Variants in GLRA2 observed in about 807,000 individuals in gnomAD.
The protein encoded by GLRA2 is glycine receptor subunit alpha-2.
In GLRA2, 11 loss-of-function variants were observed where a neutral mutation model predicts 31.6. The observed-to-expected ratio is 0.35, with a 90% CI of 0.22 to 0.58. GLRA2 has a LOEUF of 0.58. Ranked by LOEUF, GLRA2 falls within the 20% of genes least tolerant of loss-of-function variation. The pLI is 0.84. For synonymous variants in GLRA2, 132 were observed against 134.0 expected (o/e 0.99, Z 0.10); for missense variants, 212 against 351.8 (o/e 0.60, Z 3.18).
At chrX:14,721,761 A>T (rs1390441832) in intron 8 of GLRA2, among the ~76,000 whole-genome samples, 1 of 111,515 alleles carries the variant, frequency 9.0e-6, no homozygotes, top group Non-Finnish European at 1.9e-5. Flanking sequence ...CTACTTGGAC[A>T]CTTAATGGCC....
At chrX:14,607,028 T>C in intron 5 of GLRA2, 103 bp from the exon 6 acceptor site, 3 of 536,302 alleles carry the variant, frequency 5.6e-6, no homozygotes, top group Non-Finnish European at 9.5e-6. Flanking sequence ...ACTGAGCGTA[T>C]GTCTGCTTTA....
At chrX:14,500,554 G>A in the GLRA2 span, among the ~76,000 whole-genome samples, 4 of 112,344 alleles carry the variant, frequency 3.6e-5, no homozygotes, top group Admixed American at 2.8e-4. Flanking sequence ...CCTGTGGGTT[G>A]AGGTAGGGAC....
At chrX:14,451,111 A>T in the GLRA2 span, among the ~76,000 whole-genome samples, 35 of 111,830 alleles carry the variant, frequency 3.1e-4, no homozygotes, top group African/African-American at 1.1e-3. Flanking sequence ...TCACTAAGGG[A>T]ATTTGTTACC....
chrX:14,500,010 T>G, the GLRA2 span, among the ~76,000 whole-genome samples: 1 of 111,991 alleles, frequency 8.9e-6, no homozygotes, highest in Non-Finnish European at 1.9e-5. Flanking sequence ...TTCTTCCACT[T>G]TGTGTGTTGT....
chrX:14,479,483 G>A, the GLRA2 span, among the ~76,000 whole-genome samples: 15,478 of 110,635 alleles, frequency 0.14, 1,005 homozygotes, highest in Non-Finnish European at 0.2. Flanking sequence ...AGATAATCCC[G>A]TCATCCAGGT....
upstream of GLRA2, among the ~76,000 whole-genome samples, chrX:14,525,981 T>C (rs750892413): frequency 8.9e-6 from 1 of 112,220 alleles, no homozygotes; most frequent in Non-Finnish European, 1.9e-5. Flanking sequence ...TCTCTGTCCA[T>C]TGCAAAGCTT....
intron 4 of GLRA2, among the ~76,000 whole-genome samples, chrX:14,591,975 A>C (rs750829759): frequency 9.0e-6 from 1 of 111,684 alleles, no homozygotes; most frequent in East Asian, 2.9e-4. Context: ...ACTTCCTTTC[A>C]TCATTTACTG....
At chrX:14,675,952 C>T (rs968069454) in intron 7 of GLRA2, among the ~76,000 whole-genome samples, 1 of 111,977 alleles carries the variant, frequency 8.9e-6, no homozygotes, top group Non-Finnish European at 1.9e-5. Flanking sequence ...ACTAATTTCC[C>T]CCCAAAATGG....
At chrX:14,463,500 G>T in the GLRA2 span, among the ~76,000 whole-genome samples, 1 of 111,541 alleles carries the variant, frequency 9.0e-6, no homozygotes, top group Non-Finnish European at 1.9e-5. Flanking sequence ...GCTGTGGTGG[G>T]CTCCACCCAT....
intron 8 of GLRA2, among the ~76,000 whole-genome samples, chrX:14,695,600 G>A (rs898213470): frequency 2.7e-5 from 3 of 112,104 alleles, no homozygotes; most frequent in Admixed American, 1.9e-4. Context: ...TCATTCTCAT[G>A]AGCCAAGAAG....
chrX:14,730,561 C>T lies in GLRA2; in HGVS notation c.*76C>T, dbSNP rs2091980305. The T allele has an allele frequency of 4.5e-6, 2 of 441,715 alleles. No individual in the cohort carries two copies. Among genetic ancestry groups the T allele is most frequent in the Non-Finnish European group, 3.7e-6 (1 of 271,967 alleles). The allele number at this position is 441,715 out of a possible 1,213,427, so 36.4% of individuals were successfully genotyped here. On this transcript the variant is annotated 3_prime_UTR_variant, in exon 9 of 9. Coordinates refer to ENST00000218075, the MANE Select transcript of GLRA2 (RefSeq NM_002063.4). ...ATACACAGTGAAATTGTCTTTATAT[C>T]ACTTTGACAGAGGAGAAGATTGAGG...
chrX:14,458,519 C>T, the GLRA2 span, among the ~76,000 whole-genome samples: 1 of 112,197 alleles, frequency 8.9e-6, no homozygotes, highest in Non-Finnish European at 1.9e-5. Flanking sequence ...TTCTCCACAT[C>T]CTCTCCAGCA....
intron 3 of GLRA2, among the ~76,000 whole-genome samples, chrX:14,578,800 A>G (rs1321485507): frequency 9.0e-6 from 1 of 111,554 alleles, no homozygotes; most frequent in African/African-American, 3.3e-5. Context: ...TAGCTTTCCC[A>G]TAAGTTTGGG....
At chrX:14,516,052 A>G in the GLRA2 span, among the ~76,000 whole-genome samples, 3 of 112,001 alleles carry the variant, frequency 2.7e-5, no homozygotes, top group Admixed American at 9.5e-5. Context: ...CCTTGTTCAC[A>G]AACTCTCAGA....
At chrX:14,667,637 T>C (rs1240079792) in intron 7 of GLRA2, among the ~76,000 whole-genome samples, 1 of 111,516 alleles carries the variant, frequency 9.0e-6, no homozygotes, top group Admixed American at 9.5e-5. Flanking sequence ...GTTTTTCTTC[T>C]CTTATACTGA....
the GLRA2 span, among the ~76,000 whole-genome samples, chrX:14,510,896 T>C: frequency 9.0e-6 from 1 of 111,325 alleles, no homozygotes; most frequent in African/African-American, 3.3e-5. Flanking sequence ...TCATCCCTCC[T>C]TTATAACACT....
At chrX:14,631,371 G>A (rs1364952722) in intron 7 of GLRA2, among the ~76,000 whole-genome samples, 1 of 110,978 alleles carries the variant, frequency 9.0e-6, no homozygotes, top group Non-Finnish European at 1.9e-5. Flanking sequence ...TAATATCTGT[G>A]TCAATTCTGG....
intron 7 of GLRA2, among the ~76,000 whole-genome samples, chrX:14,611,430 T>A (rs1200275281): frequency 8.8e-6 from 1 of 113,095 alleles, no homozygotes; most frequent in African/African-American, 3.2e-5. Context: ...TCAGTCTTTT[T>A]TCCATGTGCA....
chrX:14,471,811 G>A, the GLRA2 span, among the ~76,000 whole-genome samples: 1 of 112,015 alleles, frequency 8.9e-6, no homozygotes, highest in Non-Finnish European at 1.9e-5. Flanking sequence ...CCCAGAATCG[G>A]ACAACCTGAG....
Sources: allele counts gnomAD v4.1 joint callset (sites outside exome capture counted in the v4.1 genomes callset), GRCh38; gene constraint gnomAD v4.1.1; transcripts MANE v1.5; gene names NCBI Gene and HGNC (gene_info 2026-07-23, HGNC 2026-07-21).